SLC24A2: variants seen among roughly 807,000 people sequenced by gnomAD.
SLC24A2 encodes the protein sodium/potassium/calcium exchanger 2.
SLC24A2 carries 36 observed loss-of-function variants against 62.0 expected under a neutral mutation model. The ratio of observed to expected loss-of-function variants is 0.58; its 90% confidence interval spans 0.44 to 0.77. SLC24A2 has a LOEUF of 0.77. SLC24A2 is among the 30% of genes least tolerant of loss of function. SLC24A2 has a pLI of 0.00. For synonymous variants in SLC24A2, 358 were observed against 294.0 expected (o/e 1.22, Z -2.23); for missense variants, 846 against 817.9 (o/e 1.03, Z -0.42).
chr9:19,878,104 G>C, the SLC24A2 span, among the ~76,000 whole-genome samples: 1 of 152,138 alleles, frequency 6.6e-6, no homozygotes, highest in Non-Finnish European at 1.5e-5. Flanking sequence ...TCCAGTCAAG[G>C]GACAACAACA....
intron 2 of SLC24A2, among the ~76,000 whole-genome samples, chr9:19,626,406 G>A (rs939878418): frequency 6.6e-6 from 1 of 152,186 alleles, no homozygotes; most frequent in African/African-American, 2.4e-5. Context: ...AAAGACAAGT[G>A]TGTAACTAAG....
the SLC24A2 span, among the ~76,000 whole-genome samples, chr9:20,288,413 G>T: frequency 2.0e-5 from 3 of 152,060 alleles, no homozygotes; most frequent in Non-Finnish European, 2.9e-5. Context: ...AGTGCATGCC[G>T]GGGGTGCGGG....
At chr9:19,528,903 A>G (rs375238476) in intron 8 of SLC24A2, among the ~76,000 whole-genome samples, 2 of 152,178 alleles carry the variant, frequency 1.3e-5, no homozygotes, top group South Asian at 4.1e-4. Flanking sequence ...AGTAGACTTT[A>G]TGCTATCTCA....
intron 2 of SLC24A2, among the ~76,000 whole-genome samples, chr9:19,726,822 T>C (rs1222420064): frequency 2.6e-5 from 4 of 152,208 alleles, no homozygotes; most frequent in Non-Finnish European, 4.4e-5. Context: ...CAACGTGATA[T>C]ACACAGCCTT....
chr9:19,825,494 T>C, the SLC24A2 span, among the ~76,000 whole-genome samples: 4 of 152,130 alleles, frequency 2.6e-5, no homozygotes, highest in African/African-American at 9.7e-5. Context: ...GGAGATTCAA[T>C]GGGGACTCAT....
At chr9:19,649,698 A>G (rs1043053395) in intron 2 of SLC24A2, among the ~76,000 whole-genome samples, 3 of 152,202 alleles carry the variant, frequency 2.0e-5, no homozygotes, top group African/African-American at 7.2e-5. Flanking sequence ...ACTTATTCCC[A>G]GTGGCATGTG....
At chr9:20,290,567 C>G in the SLC24A2 span, among the ~76,000 whole-genome samples, 1 of 152,204 alleles carries the variant, frequency 6.6e-6, no homozygotes, top group Non-Finnish European at 1.5e-5. Flanking sequence ...AAGCTTAGCG[C>G]TTTAGCGGCT....
the SLC24A2 span, among the ~76,000 whole-genome samples, chr9:20,098,238 A>G: frequency 3.3e-5 from 5 of 152,188 alleles, no homozygotes; most frequent in African/African-American, 1.2e-4. Flanking sequence ...TTTATTCATA[A>G]ATATTCATTG....
the SLC24A2 span, among the ~76,000 whole-genome samples, chr9:19,820,694 G>C: frequency 1.3e-5 from 2 of 151,926 alleles, no homozygotes; most frequent in East Asian, 3.9e-4. Context: ...GTGTGTGTGT[G>C]TGTATTTGTG....
At chr9:20,228,060 C>T in the SLC24A2 span, among the ~76,000 whole-genome samples, 1 of 152,090 alleles carries the variant, frequency 6.6e-6, no homozygotes, top group African/African-American at 2.4e-5. Context: ...TCTATTTTTC[C>T]GCAAATCCTC....
intron 5 of SLC24A2, among the ~76,000 whole-genome samples, chr9:19,586,946 T>G (rs562584354): frequency 1.3e-5 from 2 of 152,310 alleles, no homozygotes; most frequent in African/African-American, 4.8e-5. Flanking sequence ...TTCCCATCCC[T>G]GGAACTCTGA....
the SLC24A2 span, among the ~76,000 whole-genome samples, chr9:19,985,800 C>T: frequency 6.6e-6 from 1 of 152,046 alleles, no homozygotes; most frequent in Non-Finnish European, 1.5e-5. Flanking sequence ...ATGACTTAAA[C>T]ACAAGAGCTA....
At chr9:19,837,594 A>C in the SLC24A2 span, among the ~76,000 whole-genome samples, 1 of 151,830 alleles carries the variant, frequency 6.6e-6, no homozygotes, top group Middle Eastern at 3.4e-3. Context: ...AAGGAAATAA[A>C]GGGTATTCAA....
chr9:19,578,633 C>A (rs1361785881), intron 5 of SLC24A2, among the ~76,000 whole-genome samples: 1 of 151,864 alleles, frequency 6.6e-6, no homozygotes, highest in Non-Finnish European at 1.5e-5. Context: ...TAGAACCAAA[C>A]CAAACAAATA....
At chr9:20,009,814 C>T in the SLC24A2 span, among the ~76,000 whole-genome samples, 1 of 152,102 alleles carries the variant, frequency 6.6e-6, no homozygotes, top group African/African-American at 2.4e-5. Context: ...TCAACCAAAC[C>T]TCAGTGTTCT....
At chr9:19,772,881 A>T (rs1299363875) in intron 2 of SLC24A2, among the ~76,000 whole-genome samples, 1 of 152,206 alleles carries the variant, frequency 6.6e-6, no homozygotes, top group Non-Finnish European at 1.5e-5. Flanking sequence ...TCACACAAAC[A>T]CTTGTAAGTA....
At chr9:19,925,842 T>C in the SLC24A2 span, among the ~76,000 whole-genome samples, 1 of 152,204 alleles carries the variant, frequency 6.6e-6, no homozygotes, top group Non-Finnish European at 1.5e-5. Context: ...AAAAACTGGC[T>C]TTTCCTGACA....
intron 2 of SLC24A2, among the ~76,000 whole-genome samples, chr9:19,656,841 G>A (rs553334063): frequency 1.4e-3 from 209 of 152,162 alleles, no homozygotes; most frequent in Non-Finnish European, 2.5e-3. Flanking sequence ...TCTGTGTTCC[G>A]CATCCACCGT....
At chr9:19,810,289 T>A in the SLC24A2 span, among the ~76,000 whole-genome samples, 2 of 152,114 alleles carry the variant, frequency 1.3e-5, no homozygotes, top group African/African-American at 2.4e-5. Flanking sequence ...CAGCAGAGGG[T>A]CCTCAGTGCA....
Sources: allele counts gnomAD v4.1 joint callset (sites outside exome capture counted in the v4.1 genomes callset), GRCh38; gene constraint gnomAD v4.1.1; transcripts MANE v1.5; gene names NCBI Gene and HGNC (gene_info 2026-07-23, HGNC 2026-07-21).